GPC6: variants seen among roughly 807,000 people sequenced by gnomAD.
The protein encoded by GPC6 is glypican 6.
A neutral mutation model predicts 55.2 loss-of-function variants in GPC6; 14 were observed. The observed-to-expected ratio is 0.25, with a 90% confidence interval of 0.17 to 0.40. The LOEUF is 0.40. GPC6 is among the 10% of genes least tolerant of loss of function. The pLI is 1.00. For missense variants in GPC6, 641 were observed against 708.5 expected (o/e 0.90, Z 1.08); for synonymous variants, 278 against 259.6 (o/e 1.07, Z -0.68).
chr13:94,056,706 A>G (rs1436749238), intron 4 of GPC6, among the ~76,000 whole-genome samples: 1 of 152,096 alleles, frequency 6.6e-6, no homozygotes, highest in Non-Finnish European at 1.5e-5. Flanking sequence ...AAAATTCAGT[A>G]GAGATACTAA....
At chr13:93,484,149 C>T (rs927347823) in intron 1 of GPC6, among the ~76,000 whole-genome samples, 1 of 145,618 alleles carries the variant, frequency 6.9e-6, no homozygotes, top group African/African-American at 2.5e-5. Flanking sequence ...TCAGCATCTG[C>T]CATAGCAACA....
chr13:93,670,618 G>A (rs948055860), intron 2 of GPC6, among the ~76,000 whole-genome samples: 3 of 152,078 alleles, frequency 2.0e-5, no homozygotes, highest in Non-Finnish European at 4.4e-5. Flanking sequence ...AAAGAATAGC[G>A]ATAATAATCA....
At chr13:93,268,825 C>G (rs892041219) in intron 1 of GPC6, among the ~76,000 whole-genome samples, 3 of 152,082 alleles carry the variant, frequency 2.0e-5, no homozygotes, top group Non-Finnish European at 4.4e-5. Flanking sequence ...ACCACAAGCC[C>G]CTGTGTCCCA....
At chr13:94,196,094 G>T (rs1594046402) in intron 4 of GPC6, among the ~76,000 whole-genome samples, 1 of 151,976 alleles carries the variant, frequency 6.6e-6, no homozygotes, top group South Asian at 2.1e-4. Flanking sequence ...GATGGCCTTT[G>T]AGACACTTGT....
At chr13:93,474,851 T>C (rs1879248506) in intron 1 of GPC6, among the ~76,000 whole-genome samples, 1 of 152,182 alleles carries the variant, frequency 6.6e-6, no homozygotes, top group Admixed American at 6.5e-5. Context: ...ATGCTATTGT[T>C]CCATCAGTGT....
chr13:93,621,110 A>G (rs561306305), intron 2 of GPC6, among the ~76,000 whole-genome samples: 132 of 152,258 alleles, frequency 8.7e-4, no homozygotes, highest in African/African-American at 2.8e-3. Context: ...CATGAACACT[A>G]TGGGTGCAGG....
At chr13:93,796,814 G>A (rs2138930825) in intron 2 of GPC6, among the ~76,000 whole-genome samples, 1 of 134,844 alleles carries the variant, frequency 7.4e-6, no homozygotes, top group East Asian at 2.1e-4. Flanking sequence ...ATTTGCCTCT[G>A]GCTTGGCCAT....
At chr13:94,324,706 T>G (rs930548435) in intron 6 of GPC6, among the ~76,000 whole-genome samples, 52 of 28,364 alleles carry the variant, frequency 1.8e-3, no homozygotes, top group African/African-American at 3.2e-3. Flanking sequence ...GGGTTTTTTG[T>G]TTTTTTTTTT....
intron 4 of GPC6, among the ~76,000 whole-genome samples, chr13:94,142,817 G>A (rs9589911): frequency 0.33 from 49,521 of 151,008 alleles, 8,314 homozygotes; most frequent in South Asian, 0.39. Flanking sequence ...CATTTTGGTC[G>A]TGGACGGCTA....
At chr13:93,307,136 G>A (rs563248783) in intron 1 of GPC6, among the ~76,000 whole-genome samples, 9 of 151,556 alleles carry the variant, frequency 5.9e-5, no homozygotes, top group African/African-American at 1.9e-4. Flanking sequence ...ATATTTAATC[G>A]ACTATTCATT....
intron 3 of GPC6, among the ~76,000 whole-genome samples, chr13:93,979,319 T>TGTG (rs1246947385): frequency 5.2e-4 from 49 of 93,722 alleles, no homozygotes; most frequent in African/African-American, 7.7e-4. Context: ...GTGTGTGTGT[T>TGTG]TGTGTGTGTT....
intron 2 of GPC6, among the ~76,000 whole-genome samples, chr13:93,784,766 A>G (rs934186722): frequency 6.6e-6 from 1 of 152,192 alleles, no homozygotes; most frequent in Non-Finnish European, 1.5e-5. Context: ...AGTCCAATCA[A>G]TGATTATTTT....
intron 4 of GPC6, among the ~76,000 whole-genome samples, chr13:94,137,198 A>G (rs1362402566): frequency 6.6e-6 from 1 of 152,230 alleles, no homozygotes; most frequent in African/African-American, 2.4e-5. Context: ...GATAATATCC[A>G]GCAATTGAAT....
chr13:94,072,337 C>T (rs1321567711), intron 4 of GPC6, among the ~76,000 whole-genome samples: 2 of 151,992 alleles, frequency 1.3e-5, no homozygotes, highest in Non-Finnish European at 2.9e-5. Flanking sequence ...CATGATAAAG[C>T]CCCTTGTTTT....
intron 4 of GPC6, among the ~76,000 whole-genome samples, chr13:94,152,819 A>C (rs1487645555): frequency 6.6e-6 from 1 of 152,136 alleles, no homozygotes; most frequent in African/African-American, 2.4e-5. Flanking sequence ...TTTAAACGGG[A>C]GCTTTTTAAC....
intron 4 of GPC6, among the ~76,000 whole-genome samples, chr13:94,282,434 T>C (rs1022344801): frequency 2.6e-5 from 4 of 152,204 alleles, no homozygotes; most frequent in African/African-American, 9.6e-5. Flanking sequence ...ACAGGATAAC[T>C]GCCCCCATGA....
At chr13:93,258,926 G>C (rs1877043286) in intron 1 of GPC6, among the ~76,000 whole-genome samples, 1 of 152,122 alleles carries the variant, frequency 6.6e-6, no homozygotes, top group Non-Finnish European at 1.5e-5. Flanking sequence ...CTCCAGCCTA[G>C]GTGACAGAGT....
intron 1 of GPC6, among the ~76,000 whole-genome samples, chr13:93,517,224 G>A (rs1881238404): frequency 6.6e-6 from 1 of 152,028 alleles, no homozygotes; most frequent in South Asian, 2.1e-4. Context: ...GAATGATGGA[G>A]TATCTAAGGA....
At chr13:94,316,784 A>C (rs1876562455) in intron 6 of GPC6, among the ~76,000 whole-genome samples, 1 of 151,996 alleles carries the variant, frequency 6.6e-6, no homozygotes, top group Non-Finnish European at 1.5e-5. Context: ...TTTCAGATCC[A>C]GACAATATGT....
Sources: gnomAD v4.1 joint callset for allele counts (sites outside exome capture counted in the v4.1 genomes callset) on GRCh38, gnomAD v4.1.1 for gene constraint, MANE v1.5 for transcripts, NCBI Gene and HGNC (gene_info 2026-07-23, HGNC 2026-07-21) for gene names.